TRPC4AP: variants seen among roughly 807,000 people sequenced by gnomAD.
TRPC4AP encodes transient receptor potential cation channel subfamily C member 4 associated protein, also known as short transient receptor potential channel 4-associated protein.
In TRPC4AP, 45 loss-of-function variants were observed where a neutral mutation model predicts 99.0. The ratio of observed to expected loss-of-function variants is 0.45; its 90% confidence interval spans 0.36 to 0.58. The LOEUF is 0.58. Ranked by LOEUF, TRPC4AP falls within the 20% of genes least tolerant of loss-of-function variation. The probability of loss-of-function intolerance (pLI) is 0.00; values close to 1 mark genes in which losing one functional copy is unlikely to be tolerated. For missense variants in TRPC4AP, 879 were observed against 985.3 expected (o/e 0.89, Z 1.44); for synonymous variants, 408 against 385.8 (o/e 1.06, Z -0.67).
intron 5 of TRPC4AP, 125 bp from the exon 6 acceptor site, chr20:35,050,119 G>A: frequency 9.8e-7 from 1 of 1,022,552 alleles, no homozygotes; most frequent in Non-Finnish European, 1.4e-6. Flanking sequence ...CAACAAAACA[G>A]GAATGGCATG....
rs948297624 is a variant in TRPC4AP at position 35,040,931 on chromosome 20, G to C, written c.865+3574C>G. ...GGTTAAATGAGGTTACAAAGTGTGGGGCCCTAAACCGAGAGGACTGGTGTC... is the reference window on the plus strand; with the variant it reads ...GGTTAAATGAGGTTACAAAGTGTGGCGCCCTAAACCGAGAGGACTGGTGTC... On this transcript the variant is annotated intron_variant, in intron 7 of 18. Transcript: ENST00000252015. Among the ~76,000 whole-genome samples, 3 of 152,242 alleles carry C rather than the reference G, an allele frequency of 2.0e-5. No homozygotes were observed. The East Asian group carries it at 5.8e-4, about 29-fold the overall frequency.
chr20:35,023,237 A>T (rs575371326), intron 8 of TRPC4AP, among the ~76,000 whole-genome samples: 1 of 152,128 alleles, frequency 6.6e-6, no homozygotes, highest in Non-Finnish European at 1.5e-5. Flanking sequence ...GTCTTCAGTA[A>T]ATCAGTGGAC....
chr20:35,084,421 T>C (rs568200062), intron 1 of TRPC4AP, among the ~76,000 whole-genome samples: 45 of 151,442 alleles, frequency 3.0e-4, no homozygotes, highest in Middle Eastern at 6.8e-3. Context: ...GGATGCACTA[T>C]TATGCTAATG....
chr20:35,051,413 TC>T (rs1569123452), intron 5 of TRPC4AP, among the ~76,000 whole-genome samples: 1 of 151,926 alleles, frequency 6.6e-6, no homozygotes, highest in African/African-American at 2.4e-5. Flanking sequence ...GCTCAAGCGA[TC>T]CCCCCACCTC....
At chr20:35,018,248 C>T (rs772697155) in intron 9 of TRPC4AP, among the ~76,000 whole-genome samples, 4 of 152,162 alleles carry the variant, frequency 2.6e-5, no homozygotes, top group Non-Finnish European at 4.4e-5. Flanking sequence ...TAAGTTCAGG[C>T]CAGTGCTTAG....
chr20:35,029,761 C>A (rs1478749457), intron 8 of TRPC4AP, among the ~76,000 whole-genome samples: 1 of 148,210 alleles, frequency 6.7e-6, no homozygotes, highest in East Asian at 2.0e-4. Flanking sequence ...TCAGCCTCCC[C>A]AGCAGCTGGG....
intron 11 of TRPC4AP, among the ~76,000 whole-genome samples, chr20:35,010,725 C>T (rs1266809618): frequency 6.6e-6 from 1 of 152,184 alleles, no homozygotes; most frequent in African/African-American, 2.4e-5. Context: ...ACTTGCCATC[C>T]AGGCCTGTCA....
In TRPC4AP at chr20:35,055,670, C is replaced by T. The variant is rs558615006; in HGVS notation, c.473-639G>A. ...CTGCATGCGCGTGTACCACGCCTGG[C>T]TAAAAGTTAAAAGTATAAGCATCTC... On this transcript the variant is annotated intron_variant, in intron 4 of 18. Transcript: ENST00000252015. Among the ~76,000 whole-genome samples, 95 of 152,320 alleles carry T rather than the reference C, an allele frequency of 6.2e-4. 4 individuals are homozygous for T. The South Asian group carries it at 0.019, about 31-fold the overall frequency.
chr20:35,037,563 G>A (rs1216636365), intron 7 of TRPC4AP, among the ~76,000 whole-genome samples: 1 of 152,114 alleles, frequency 6.6e-6, no homozygotes, highest in East Asian at 1.9e-4. Context: ...TCTACATGAT[G>A]AGTATTATTC....
Position 35,008,807 on chromosome 20 carries a change from G to A in TRPC4AP, c.1512-60C>T, listed in dbSNP as rs1453098260. ...AGAGGCTGACAGGGGCCCTGGGGAT[G>A]GGTCATTCTGCTGGCTTAGGCGGTG... is the stretch of plus-strand genomic sequence containing the variant. On this transcript the variant is annotated intron_variant, in intron 12 of 18. Transcript: ENST00000252015. The A allele has an allele frequency of 4.0e-6, 6 of 1,481,890 alleles. No individual in the cohort carries two copies. In the South Asian group the frequency reaches 5.8e-5, roughly 14 times the overall value. The allele number at this position is 1,481,890 out of a possible 1,614,324, so 91.8% of individuals were successfully genotyped here. A position where few individuals can be genotyped will look rare whatever the true frequency, so the allele number is the denominator to read the frequency against.
intron 8 of TRPC4AP, among the ~76,000 whole-genome samples, chr20:35,028,160 A>T (rs1179268565): frequency 6.6e-6 from 1 of 152,066 alleles, no homozygotes; most frequent in Non-Finnish European, 1.5e-5. Flanking sequence ...CTTTAGCTGC[A>T]TCCCATAAGT....
chr20:35,069,435 C>G (rs367651311), intron 2 of TRPC4AP, 23 bp from the exon 3 acceptor site: 48 of 1,476,768 alleles, frequency 3.3e-5, no homozygotes, highest in Non-Finnish European at 4.3e-5. Flanking sequence ...AAAAAAAGTA[C>G]ATACATTGTT....
Position 35,045,129 on chromosome 20 carries a change from C to T in TRPC4AP, c.658-417G>A, listed in dbSNP as rs546699320. Among the ~76,000 whole-genome samples the T allele has an allele frequency of 6.0e-4, 92 of 152,140 alleles. 1 individual carries two copies. Among genetic ancestry groups the T allele is most frequent in the Non-Finnish European group, 1.1e-3 (77 of 68,038 alleles). On this transcript the variant is annotated intron_variant, in intron 6 of 18. Coordinates refer to ENST00000252015, the MANE Select transcript of TRPC4AP (RefSeq NM_015638.3). The stretch of plus-strand genomic sequence containing the variant: ...TAGCTAAAGGCCTCTGTGTATCCCC[C>T]ATCCAGTCGCATTTTTTTCTCTCCC...
intron 3 of TRPC4AP, among the ~76,000 whole-genome samples, chr20:35,068,978 C>CACACACAA (rs748790693): frequency 1.1e-5 from 1 of 95,192 alleles, no homozygotes; most frequent in South Asian, 2.8e-4. Context: ...CACACACACA[C>CACACACAA]AAAAAAAACA....
At chr20:35,079,846 G>A (rs1392602587) in intron 1 of TRPC4AP, among the ~76,000 whole-genome samples, 5 of 137,732 alleles carry the variant, frequency 3.6e-5, no homozygotes, top group Non-Finnish European at 6.3e-5. Flanking sequence ...GCGAGAGCTC[G>A]CCTCTACTAA....
Position 35,071,612 on chromosome 20 carries a change from T to C in TRPC4AP, c.298-2200A>G, listed in dbSNP as rs1333900997. ...CCATGTCCCTACAAAGGACATGAAC[T>C]CATCATTTTTTATGGCTGCATAGTA... On this transcript the variant is annotated intron_variant, in intron 2 of 18. Transcript: ENST00000252015. 5.9e-5 allele frequency among the ~76,000 whole-genome samples: 9 copies of C among 152,274 alleles called. No individual in the cohort carries two copies. In the East Asian group the frequency reaches 1.7e-3, roughly 29 times the overall value.
At chr20:35,040,026 T>C (rs2083411219) in intron 7 of TRPC4AP, among the ~76,000 whole-genome samples, 1 of 151,678 alleles carries the variant, frequency 6.6e-6, no homozygotes, top group Non-Finnish European at 1.5e-5. Context: ...AAACGAAAAC[T>C]TTTTGGCAAC....
At chr20:35,069,195 G>A (rs929527532) in intron 3 of TRPC4AP, 101 bp downstream of exon 3, 1 of 709,044 alleles carries the variant, frequency 1.4e-6, no homozygotes, top group African/African-American at 1.8e-5. Context: ...AATCTGAAAT[G>A]TTATAAATTC....
At chr20:35,063,782 G>A (rs1318990315) in intron 3 of TRPC4AP, among the ~76,000 whole-genome samples, 2 of 152,048 alleles carry the variant, frequency 1.3e-5, no homozygotes, top group African/African-American at 4.8e-5. Flanking sequence ...GATCACTAGA[G>A]CCCAGGGGTT....
Sources: gnomAD v4.1 joint callset for allele counts (sites outside exome capture counted in the v4.1 genomes callset) on GRCh38, gnomAD v4.1.1 for gene constraint, MANE v1.5 for transcripts, NCBI Gene and HGNC (gene_info 2026-07-23, HGNC 2026-07-21) for gene names.